The following GAS7 variants were observed in gnomAD, a reference collection of about 807,000 sequenced individuals.
GAS7 encodes the protein growth arrest-specific protein 7.
In GAS7, 28 loss-of-function variants were observed where a neutral mutation model predicts 71.1. The observed-to-expected ratio is 0.39, with a 90% CI of 0.29 to 0.54. The LOEUF (loss-of-function observed/expected upper bound fraction) is 0.54. GAS7 is among the 20% of genes least tolerant of loss of function. GAS7 has a pLI of 0.62. For synonymous variants in GAS7, 258 were observed against 245.8 expected (o/e 1.05, Z -0.46); for missense variants, 436 against 627.8 (o/e 0.69, Z 3.27).
intron 9 of GAS7, among the ~76,000 whole-genome samples, chr17:9,930,960 C>T (rs1487613441): frequency 6.6e-6 from 1 of 152,188 alleles, no homozygotes; most frequent in Non-Finnish European, 1.5e-5. Flanking sequence ...ATGGTGAGGT[C>T]CACCCTGTGT....
intron 1 of GAS7, among the ~76,000 whole-genome samples, chr17:10,040,825 C>A (rs1289624595): frequency 6.6e-6 from 1 of 152,088 alleles, no homozygotes; most frequent in Non-Finnish European, 1.5e-5. Context: ...TAGACAGGAC[C>A]AAGATACTTT....
At chr17:10,030,664 G>C (rs1056922239) in intron 1 of GAS7, among the ~76,000 whole-genome samples, 1 of 152,214 alleles carries the variant, frequency 6.6e-6, no homozygotes, top group African/African-American at 2.4e-5. Flanking sequence ...CTGCCTCCTT[G>C]AGTCCCTAAA....
At chr17:10,146,074 A>G (rs1478115273) in intron 1 of GAS7, among the ~76,000 whole-genome samples, 1 of 152,162 alleles carries the variant, frequency 6.6e-6, no homozygotes, top group Non-Finnish European at 1.5e-5. Flanking sequence ...AGGCATCCAC[A>G]CACATGCAAG....
intron 3 of GAS7, among the ~76,000 whole-genome samples, chr17:9,979,142 A>G (rs2070316841): frequency 6.6e-6 from 1 of 152,204 alleles, no homozygotes; most frequent in Non-Finnish European, 1.5e-5. Flanking sequence ...GCACAAACGA[A>G]CTGAGTTAAA....
intron 1 of GAS7, among the ~76,000 whole-genome samples, chr17:10,144,223 G>C (rs937875979): frequency 6.6e-6 from 1 of 152,222 alleles, no homozygotes; most frequent in Non-Finnish European, 1.5e-5. Flanking sequence ...CTTTGCAGCT[G>C]TGCCCACCTG....
chr17:9,938,589 A>G (rs941615220), intron 8 of GAS7, among the ~76,000 whole-genome samples: 1 of 151,534 alleles, frequency 6.6e-6, no homozygotes, highest in South Asian at 2.1e-4. Flanking sequence ...CTGCAACCCA[A>G]TGGGAGAGTC....
rs1252617527 is a variant in GAS7, at chr17:9,959,987, A to G, written c.472-732T>C. Among the ~76,000 whole-genome samples the G allele has an allele frequency of 6.6e-6, 1 of 152,056 alleles. No individual in the cohort carries two copies. The highest frequency in any genetic ancestry group is 1.5e-5 in the Non-Finnish European group (1 of 68,012). On this transcript the variant is annotated intron_variant, in intron 4 of 13. Transcript: ENST00000432992. This position sits in a 1 kb window ranked among gnomAD's most constrained non-coding sequence, Gnocchi z 5.0. ...TGCAAAATGCTACACGTGTCCTAAG[A>G]GCCTACGACTCCAAAGAATGTTTGA... is the stretch of plus-strand genomic sequence containing the variant.
intron 1 of GAS7, among the ~76,000 whole-genome samples, chr17:10,111,958 AG>A (rs1370303820): frequency 2.0e-5 from 3 of 152,244 alleles, no homozygotes; most frequent in Non-Finnish European, 4.4e-5. Flanking sequence ...TATGGTAGTC[AG>A]TGGACACATA....
intron 1 of GAS7, among the ~76,000 whole-genome samples, chr17:10,148,123 T>C (rs1249538236): frequency 1.3e-5 from 2 of 152,174 alleles, no homozygotes; most frequent in African/African-American, 2.4e-5. Context: ...CACAGGCATT[T>C]TTGATTTAGG....
At chr17:10,047,289 C>T (rs896190474) in intron 1 of GAS7, among the ~76,000 whole-genome samples, 7 of 152,160 alleles carry the variant, frequency 4.6e-5, no homozygotes, top group African/African-American at 1.7e-4. Flanking sequence ...TCCATCAATT[C>T]GGAGTATCAG....
At chr17:9,934,126 T>C (rs2068306882) in intron 9 of GAS7, 40 bp downstream of exon 9, 1 of 1,279,010 alleles carries the variant, frequency 7.8e-7, no homozygotes, top group East Asian at 2.3e-5. Flanking sequence ...AGTACCCCAG[T>C]GTGTAAGACC....
chr17:10,064,392 C>A (rs903304741), intron 1 of GAS7, among the ~76,000 whole-genome samples: 1 of 152,200 alleles, frequency 6.6e-6, no homozygotes, highest in African/African-American at 2.4e-5. Flanking sequence ...GCCATACGTA[C>A]CCCGGCTTCT....
At chr17:10,024,066 G>A (rs1567551285) in intron 1 of GAS7, among the ~76,000 whole-genome samples, 2 of 152,228 alleles carry the variant, frequency 1.3e-5, no homozygotes, top group African/African-American at 4.8e-5. Context: ...GGAGGTTGCC[G>A]TGAGCCAAGA....
At chr17:10,039,846 CTCCCAGAGGGGGTGACAATGTGCCTT>C (rs981234166) in intron 1 of GAS7, 56 of 426,858 alleles carry the variant, frequency 1.3e-4, no homozygotes, top group Non-Finnish European at 1.9e-4. Context: ...CCCTCTGGGG[CTCCCAGAGGGGGTGACAATGTGCCTT>C]TCCCTTGGAC....
chr17:9,940,165 G>T lies in GAS7; in HGVS notation c.767C>A (p.Ala256Asp). 6.2e-7 allele frequency: 1 copy of T among 1,612,410 alleles called. No individual in the cohort carries two copies. The highest frequency in any genetic ancestry group is 8.5e-7 in the Non-Finnish European group (1 of 1,178,414). The stretch of plus-strand genomic sequence containing the variant: ...AGCCAAGGAGTTCTGAGAGAGCTTA[G>T]CTAAGTTCTTCGCATAGTCTTCTTC... ...KIEEDYAKNL[A>D]KLSQNSLASQ... Residue 256 changes from alanine (A) to aspartate (D), a missense_variant, in exon 8 of 14, where the codon GCT becomes GAT. Physicochemically the swap from Ala to Asp is moderately radical, Grantham distance 126. Coordinates refer to ENST00000432992, the MANE Select transcript of GAS7 (RefSeq NM_201433.2).
intron 1 of GAS7, among the ~76,000 whole-genome samples, chr17:10,181,519 T>C (rs2074416761): frequency 6.6e-6 from 1 of 152,144 alleles, no homozygotes. Context: ...AGCAAAGCTG[T>C]ACCCAAGAAT....
rs893314108 is a variant in GAS7 at position 9,969,663 on chromosome 17, A to T, written c.471+14T>A. 8.4e-6 allele frequency: 13 copies of T among 1,539,864 alleles called. 1 individual carries two copies. Among genetic ancestry groups the T allele is most frequent in the Admixed American group, 1.7e-5 (1 of 59,876 alleles). On this transcript the variant is annotated intron_variant, in intron 4 of 13. Transcript: ENST00000432992. This position sits in a 1 kb window ranked among gnomAD's most constrained non-coding sequence, Gnocchi z 5.5. ...AGCAGTGACCGCTATACCTCCCTCA[A>T]CAGGACCCCTTACCTGGGAATCACC...
intron 11 of GAS7, among the ~76,000 whole-genome samples, chr17:9,920,440 T>C (rs192670416): frequency 2.0e-5 from 3 of 152,374 alleles, no homozygotes; most frequent in African/African-American, 4.8e-5. Flanking sequence ...TTTGTTATCA[T>C]ATGTATGTTT....
intron 1 of GAS7, among the ~76,000 whole-genome samples, chr17:10,175,002 C>G (rs113927050): frequency 0.16 from 24,155 of 151,956 alleles, 2,041 homozygotes; most frequent in Middle Eastern, 0.24. Flanking sequence ...CATGCCACCA[C>G]GCCTGGCTAA....
Sources: allele counts gnomAD v4.1 joint callset (sites outside exome capture counted in the v4.1 genomes callset), GRCh38; gene constraint gnomAD v4.1.1; non-coding constraint Gnocchi (gnomAD v3.1); transcripts MANE v1.5; gene names NCBI Gene and HGNC (gene_info 2026-07-23, HGNC 2026-07-21).